SDR42E2: variants seen among roughly 807,000 people sequenced by gnomAD.
SDR42E2 encodes putative short-chain dehydrogenase/reductase family 42E member 2.
Under a neutral mutation model 10.5 loss-of-function variants are expected in SDR42E2, and 20 were observed. The ratio of observed to expected loss-of-function variants is 1.90; its 90% confidence interval spans 1.34 to 2.77. The LOEUF (loss-of-function observed/expected upper bound fraction) is 2.77. Ranked by LOEUF, SDR42E2 falls within the 30% of genes most tolerant of loss-of-function variation. The probability of loss-of-function intolerance (pLI) is 0.00; values close to 1 mark genes in which losing one functional copy is unlikely to be tolerated. For synonymous variants in SDR42E2, 72 were observed against 39.2 expected (o/e 1.84, Z -3.12); for missense variants, 162 against 104.2 (o/e 1.55, Z -2.42).
chr16:22,176,667 C>T (rs560021879), intron 7 of SDR42E2, among the ~76,000 whole-genome samples: 27 of 152,342 alleles, frequency 1.8e-4, no homozygotes, highest in African/African-American at 6.5e-4. Context: ...AAGCAATCCT[C>T]CTGCCTTGGC....
At chr16:22,178,351 A>G (rs2046663477) in intron 8 of SDR42E2, 139 bp downstream of exon 8, 3 of 594,766 alleles carry the variant, frequency 5.0e-6, no homozygotes, top group African/African-American at 1.9e-5. Flanking sequence ...CAGTTCTACA[A>G]GATGTTCCTG....
chr16:22,172,173 G>C, intron 6 of SDR42E2, 83 bp from the exon 7 acceptor site: 1 of 697,172 alleles, frequency 1.4e-6, no homozygotes, highest in South Asian at 1.5e-5. Context: ...CCCCAGGGAA[G>C]GTGCAGCCCT....
intron 12 of SDR42E2, among the ~76,000 whole-genome samples, chr16:22,187,624 C>T (rs1017662129): frequency 5.9e-5 from 9 of 151,526 alleles, no homozygotes; most frequent in African/African-American, 2.2e-4. Flanking sequence ...AAAAGATTCT[C>T]CCCCCTCAGC....
chr16:22,165,363 C>T (rs1390229489), intron 1 of SDR42E2, among the ~76,000 whole-genome samples, 184 bp from the exon 2 acceptor site: 2 of 152,198 alleles, frequency 1.3e-5, no homozygotes, highest in South Asian at 2.1e-4. Flanking sequence ...GCTGGGATTA[C>T]AGACGTGAAC....
At chr16:22,173,644 C>T (rs997522386) in intron 7 of SDR42E2, among the ~76,000 whole-genome samples, 2 of 151,902 alleles carry the variant, frequency 1.3e-5, no homozygotes, top group Admixed American at 1.3e-4. Flanking sequence ...TTCACAGTAC[C>T]CCTTTTAGGT....
At chr16:22,165,503 G>C (rs916844401) in intron 1 of SDR42E2, 44 bp from the exon 2 acceptor site, 1 of 400,448 alleles carries the variant, frequency 2.5e-6, no homozygotes, top group Non-Finnish European at 4.4e-6. Context: ...TATGTGACTT[G>C]AAACGATTCT....
At chr16:22,172,367 C>T (rs2046609030) in intron 7 of SDR42E2, 36 bp downstream of exon 7, 1 of 703,526 alleles carries the variant, frequency 1.4e-6, no homozygotes, top group Non-Finnish European at 2.6e-6. Context: ...ACCAAATGCA[C>T]CTGCCCACTG....
intron 6 of SDR42E2, among the ~76,000 whole-genome samples, chr16:22,171,626 G>C (rs768370749): frequency 6.6e-6 from 1 of 151,858 alleles, no homozygotes; most frequent in Admixed American, 6.6e-5. Context: ...TCTGCCTCCC[G>C]GGTTCAAGTG....
intron 10 of SDR42E2, among the ~76,000 whole-genome samples, chr16:22,183,154 ACTCT>A (rs1455487813): frequency 2.0e-5 from 3 of 150,860 alleles, no homozygotes; most frequent in African/African-American, 7.3e-5. Flanking sequence ...AGACAGTCTC[ACTCT>A]GTCACCCAGG....
At chr16:22,172,372 C>T (rs2046609087) in intron 7 of SDR42E2, 41 bp downstream of exon 7, 1 of 703,348 alleles carries the variant, frequency 1.4e-6, no homozygotes, top group Admixed American at 2.0e-5. Flanking sequence ...ATGCACCTGC[C>T]CACTGCTGCC....
In SDR42E2 at chr16:22,190,682, C is replaced by T; in HGVS notation, c.*289C>T. ...CTCCGAAGTGGGCACGCTCCTGCTCCGCCCCCTGAATCCTGGCCACGTCCC... is the reference window on the plus strand; with the variant it reads ...CTCCGAAGTGGGCACGCTCCTGCTCTGCCCCCTGAATCCTGGCCACGTCCC... On this transcript the variant is annotated 3_prime_UTR_variant, in exon 13 of 13. Transcript: ENST00000602312. 2.8e-6 allele frequency: 1 copy of T among 356,462 alleles called. No homozygotes were observed. The highest frequency in any genetic ancestry group is 5.0e-6 in the Non-Finnish European group (1 of 198,960). 22.1% of individuals were successfully genotyped at this position (356,462 alleles called of 1,614,324 possible). A position where few individuals can be genotyped will look rare whatever the true frequency, so the allele number is the denominator to read the frequency against.
intron 7 of SDR42E2, among the ~76,000 whole-genome samples, chr16:22,174,280 C>G (rs1475883125): frequency 1.3e-5 from 2 of 151,964 alleles, no homozygotes; most frequent in Admixed American, 1.3e-4. Flanking sequence ...TTGCAGTGAG[C>G]CGAGATTGTG....
chr16:22,182,139 G>A (rs1438323133), intron 9 of SDR42E2, 73 bp from the exon 10 acceptor site: 2 of 407,094 alleles, frequency 4.9e-6, no homozygotes, highest in African/African-American at 4.1e-5. Flanking sequence ...AGCAGCTGCT[G>A]GGAGCCATCT....
At chr16:22,169,204 G>T (rs1287650826) in intron 4 of SDR42E2, among the ~76,000 whole-genome samples, 1 of 152,186 alleles carries the variant, frequency 6.6e-6, no homozygotes, top group East Asian at 1.9e-4. Context: ...CAGGGGAGGA[G>T]GTTGGCCCTC....
At chr16:22,172,416 T>G (rs2046609578) in intron 7 of SDR42E2, 85 bp downstream of exon 7, 7 of 698,218 alleles carry the variant, frequency 1.0e-5, no homozygotes, top group South Asian at 8.9e-5. Context: ...CATGCTAACA[T>G]GTGTCTGAGG....
chr16:22,174,366 G>T (rs2046627097), intron 7 of SDR42E2, among the ~76,000 whole-genome samples: 1 of 151,928 alleles, frequency 6.6e-6, no homozygotes, highest in Admixed American at 6.6e-5. Flanking sequence ...ATGTACAGGT[G>T]AGAAAACAGA....
rs182968299 is a variant in SDR42E2, at chr16:22,180,788, C to T, written c.673-731C>T. ...TTGGGAGGCCGAGATGGGTGGATCA[C>T]CTGAGGTCAGGAGTTTGAGACCAGC... On this transcript the variant is annotated intron_variant, in intron 8 of 12. Transcript: ENST00000602312. Among the ~76,000 whole-genome samples the T allele has an allele frequency of 1.7e-3, 258 of 152,216 alleles. 1 individual carries two copies. In the Middle Eastern group the frequency reaches 0.027, roughly 16 times the overall value.
At chr16:22,169,710 C>T (rs1171217122) in intron 5 of SDR42E2, among the ~76,000 whole-genome samples, 1 of 152,150 alleles carries the variant, frequency 6.6e-6, no homozygotes, top group Non-Finnish European at 1.5e-5. Flanking sequence ...AGTTACCTCT[C>T]AGGGCTTAGG....
chr16:22,167,507 G>A (rs1244419945), intron 4 of SDR42E2, among the ~76,000 whole-genome samples: 1 of 152,022 alleles, frequency 6.6e-6, no homozygotes, highest in Non-Finnish European at 1.5e-5. Flanking sequence ...TTTTATAACT[G>A]TGTTATCTAG....
Sources: gnomAD v4.1 joint callset for allele counts (sites outside exome capture counted in the v4.1 genomes callset) on GRCh38, gnomAD v4.1.1 for gene constraint, MANE v1.5 for transcripts, NCBI Gene and HGNC (gene_info 2026-07-23, HGNC 2026-07-21) for gene names.